Variants in GRIN2A observed in about 807,000 individuals in gnomAD.
GRIN2A encodes the protein glutamate ionotropic receptor NMDA type subunit 2A.
Under a neutral mutation model 113.4 loss-of-function variants are expected in GRIN2A, and 22 were observed. That is an observed-to-expected ratio of 0.19 (90% CI 0.14 to 0.28). The LOEUF is 0.28. Ranked by LOEUF, GRIN2A falls within the 10% of genes least tolerant of loss-of-function variation. GRIN2A has a pLI of 1.00. For missense variants in GRIN2A, 1,502 were observed against 1,887.0 expected, an observed-to-expected ratio of 0.80 and a Z score of 3.78; for synonymous variants, 827 against 738.4, an observed-to-expected ratio of 1.12 and a Z score of -1.94.
At chr16:10,038,143 G>A (rs1036153322) in intron 2 of GRIN2A, among the ~76,000 whole-genome samples, 17 of 152,132 alleles carry the variant, frequency 1.1e-4, no homozygotes, top group Admixed American at 3.3e-4. Context: ...CAGCATATTC[G>A]GTGTCTGGTG....
chr16:9,830,659 C>T (rs1299860787), intron 8 of GRIN2A, among the ~76,000 whole-genome samples: 1 of 152,098 alleles, frequency 6.6e-6, no homozygotes, highest in Admixed American at 6.6e-5. Flanking sequence ...GAAGCAAATT[C>T]ACATTAATGG....
intron 3 of GRIN2A, among the ~76,000 whole-genome samples, chr16:9,902,405 T>C (rs1042495783): frequency 1.3e-5 from 2 of 152,078 alleles, no homozygotes; most frequent in African/African-American, 4.8e-5. Flanking sequence ...TGGCTGAGGG[T>C]GGCAGAGCCA....
At chr16:9,852,630 C>G (rs1175622792) in intron 4 of GRIN2A, among the ~76,000 whole-genome samples, 1 of 152,178 alleles carries the variant, frequency 6.6e-6, no homozygotes, top group Non-Finnish European at 1.5e-5. Context: ...GGAGCTGAAG[C>G]TGCTGTGTCA....
At position 9,938,264 on chromosome 16, in the gene GRIN2A, G is replaced by A. The variant is rs150208429; in HGVS notation, c.702C>T (p.Asp234=). 1.9e-5 allele frequency: 30 copies of A among 1,614,088 alleles called. No individual in the cohort carries two copies. The highest frequency in any genetic ancestry group is 1.6e-4 in the Middle Eastern group (1 of 6,062). ...SSVILLYCSK[D]EAVLILSEAR... Reference sequence around the variant, plus strand: ...CCTCACTCAGAATGAGAACAGCCTCGTCTTTGGAACAGTAGAGCAAGATGA... The same window carrying A: ...CCTCACTCAGAATGAGAACAGCCTCATCTTTGGAACAGTAGAGCAAGATGA... Residue 234 remains aspartate, a synonymous_variant, in exon 3 of 13, where the codon GAC becomes GAT. Coordinates refer to ENST00000330684, the MANE Select transcript of GRIN2A (RefSeq NM_001134407.3).
chr16:10,008,659 G>A (rs1284182283), intron 2 of GRIN2A, among the ~76,000 whole-genome samples: 1 of 152,190 alleles, frequency 6.6e-6, no homozygotes, highest in Non-Finnish European at 1.5e-5. Context: ...AGAGATCTGT[G>A]CAAGGATGTT....
At chr16:9,826,776 T>C (rs1428576704) in intron 9 of GRIN2A, among the ~76,000 whole-genome samples, 1 of 152,230 alleles carries the variant, frequency 6.6e-6, no homozygotes, top group Non-Finnish European at 1.5e-5. Flanking sequence ...GGATATGGTA[T>C]CTGTTACTGG....
intron 2 of GRIN2A, among the ~76,000 whole-genome samples, chr16:9,959,276 C>T (rs2045378214): frequency 6.6e-6 from 1 of 152,138 alleles, no homozygotes; most frequent in Non-Finnish European, 1.5e-5. Context: ...AGATAAAAAG[C>T]CTCACTCATT....
chr16:10,129,935 T>C lies in GRIN2A; in HGVS notation c.414+50063A>G, dbSNP rs551167514. Among the ~76,000 whole-genome samples the C allele has an allele frequency of 7.9e-5, 12 of 152,310 alleles. 1 individual carries two copies. The East Asian group carries it at 2.1e-3, about 27-fold the overall frequency. On this transcript the variant is annotated intron_variant, in intron 2 of 12. Transcript: ENST00000330684. ...AGGAGTTGCAGTGAAGGTAGAAGCA[T>C]GTTTCATGGATCTGTGTTAAGGGCA...
At chr16:9,889,613 G>A (rs997541151) in intron 4 of GRIN2A, among the ~76,000 whole-genome samples, 1 of 151,878 alleles carries the variant, frequency 6.6e-6, no homozygotes, top group African/African-American at 2.4e-5. Flanking sequence ...GAATTTCTTA[G>A]TGTGCCTTCA....
At chr16:9,802,154 G>A (rs1903402458) in intron 10 of GRIN2A, among the ~76,000 whole-genome samples, 1 of 151,570 alleles carries the variant, frequency 6.6e-6, no homozygotes, top group South Asian at 2.1e-4. Flanking sequence ...GTGGAAAGCA[G>A]TGTGGCGATT....
chr16:9,815,752 A>G (rs967873999), intron 10 of GRIN2A, among the ~76,000 whole-genome samples: 1 of 152,240 alleles, frequency 6.6e-6, no homozygotes, highest in Non-Finnish European at 1.5e-5. Flanking sequence ...ATATGATCCA[A>G]TTATTTCACT....
intron 2 of GRIN2A, among the ~76,000 whole-genome samples, chr16:10,037,590 C>T (rs972054936): frequency 1.3e-5 from 2 of 152,194 alleles, no homozygotes; most frequent in Admixed American, 1.3e-4. Context: ...TCATTCATCT[C>T]CATCTGACAG....
At chr16:10,037,025 G>A (rs533632327) in intron 2 of GRIN2A, 1 of 152,152 alleles carries the variant, frequency 6.6e-6, no homozygotes, top group African/African-American at 2.4e-5. Flanking sequence ...GATCCCAGGA[G>A]GATCCATGCC....
chr16:9,816,590 C>A (rs781278825), intron 10 of GRIN2A, among the ~76,000 whole-genome samples: 1 of 152,138 alleles, frequency 6.6e-6, no homozygotes, highest in African/African-American at 2.4e-5. Flanking sequence ...GGCATATGTG[C>A]GACGCTTGCA....
intron 5 of GRIN2A, among the ~76,000 whole-genome samples, chr16:9,842,912 C>T (rs2042704566): frequency 6.7e-6 from 1 of 149,178 alleles, no homozygotes; most frequent in Non-Finnish European, 1.5e-5. Flanking sequence ...GCCTAGGTGA[C>T]AGAATGTGAC....
chr16:9,929,082 T>C (rs59418924), intron 3 of GRIN2A, among the ~76,000 whole-genome samples: 1,886 of 152,308 alleles, frequency 0.012, 44 homozygotes, highest in African/African-American at 0.043. Context: ...CATTCTCCTT[T>C]CCCTTGGAGG....
At chr16:10,162,882 T>C (rs981839408) in intron 2 of GRIN2A, among the ~76,000 whole-genome samples, 2 of 152,128 alleles carry the variant, frequency 1.3e-5, no homozygotes, top group Non-Finnish European at 2.9e-5. Flanking sequence ...AGGACAGGGA[T>C]GGAGGATTTC....
rs540695241 is a variant in GRIN2A at position 10,175,724 on chromosome 16, A to G, written c.414+4274T>C. On this transcript the variant is annotated intron_variant, in intron 2 of 12. Coordinates refer to ENST00000330684, the MANE Select transcript of GRIN2A (RefSeq NM_001134407.3). ...TAACATAGAAAACGAAACCCAAGTG[A>G]TAACTGGCATGGATGGATATAGCTA... is the stretch of plus-strand genomic sequence containing the variant. Among the ~76,000 whole-genome samples the G allele has an allele frequency of 2.4e-3, 358 of 152,332 alleles. 3 individuals carry two copies. The highest frequency in any genetic ancestry group is 3.7e-3 in the Non-Finnish European group (249 of 68,040).
At chr16:9,815,682 T>C (rs2042174160) in intron 10 of GRIN2A, among the ~76,000 whole-genome samples, 1 of 152,144 alleles carries the variant, frequency 6.6e-6, no homozygotes, top group African/African-American at 2.4e-5. Flanking sequence ...TTGGTGGGAA[T>C]GCAAATGGGA....
Sources: gnomAD v4.1 joint callset for allele counts (sites outside exome capture counted in the v4.1 genomes callset) on GRCh38, gnomAD v4.1.1 for gene constraint, MANE v1.5 for transcripts, NCBI Gene and HGNC (gene_info 2026-07-23, HGNC 2026-07-21) for gene names.